The following UGGT1 variants were observed in gnomAD, a reference collection of about 807,000 sequenced individuals.
UGGT1 encodes UDP-glucose:glycoprotein glucosyltransferase 1.
Under a neutral mutation model 203.9 loss-of-function variants are expected in UGGT1, and 107 were observed. The observed-to-expected ratio is 0.52, with a 90% CI of 0.45 to 0.62. UGGT1 has a LOEUF of 0.62. Among genes scored for constraint, UGGT1 ranks in the 20% least tolerant of loss-of-function variants. UGGT1 has a pLI of 0.00. For synonymous variants in UGGT1, 628 were observed against 653.5 expected (o/e 0.96, Z 0.59); for missense variants, 1,673 against 1,867.2 (o/e 0.90, Z 1.92).
chr2:128,109,710 A>T lies in UGGT1; in HGVS notation c.485A>T (p.Asp162Val), dbSNP rs1204405623. 1.2e-6 allele frequency: 2 copies of T among 1,614,120 alleles called. No homozygotes were observed. Among genetic ancestry groups the T allele is most frequent in the Admixed American group, 1.7e-5 (1 of 60,018 alleles). The change falls in exon 5 of 41, where the codon GAT becomes GTT. Residue 162 changes from aspartate to valine, a missense_variant. Asp to Val is a radical substitution (Grantham distance 152). This residue lies in a region of UGGT1 where 1,073 missense variants were observed against 1,078.7 expected (regional missense o/e 0.99). Transcript: ENST00000259253. ...SVHGKKTCES[D>V]TLEALLLTAS... ...CATGGAAAGAAGACTTGTGAATCTG[A>T]TACCCTTGAGGCTCTTCTACTGACA... is the stretch of plus-strand genomic sequence containing the variant.
intron 32 of UGGT1, 54 bp from the exon 33 acceptor site, chr2:128,177,778 A>G: frequency 1.4e-6 from 2 of 1,434,222 alleles, no homozygotes; most frequent in Non-Finnish European, 1.9e-6. Flanking sequence ...AGTGAGAGGC[A>G]GTTTTATGCC....
At chr2:128,157,206 G>A (rs774915834) in intron 21 of UGGT1, 46 bp from the exon 22 acceptor site, 2 of 1,334,286 alleles carry the variant, frequency 1.5e-6, no homozygotes, top group Non-Finnish European at 1.1e-6. Context: ...AACACAGAAT[G>A]TGCTTCTCTC....
intron 26 of UGGT1, 75 bp downstream of exon 26, chr2:128,164,900 A>G: frequency 3.7e-6 from 4 of 1,089,532 alleles, no homozygotes; most frequent in Middle Eastern, 2.1e-4. Context: ...CAGCTCCTTC[A>G]TTTTTCCATA....
chr2:128,106,098 C>G (rs892051930), intron 3 of UGGT1, among the ~76,000 whole-genome samples: 1 of 151,600 alleles, frequency 6.6e-6, no homozygotes, highest in African/African-American at 2.4e-5. Flanking sequence ...GGCCACCATG[C>G]CCAGCCTGAA....
Position 128,105,701 on chromosome 2 carries a change from G to A in UGGT1, c.277+1687G>A, listed in dbSNP as rs140320608. On this transcript the variant is annotated intron_variant, in intron 3 of 40. Coordinates refer to ENST00000259253, the MANE Select transcript of UGGT1 (RefSeq NM_020120.4). ...AGCTAATTTTTGTAGTTTTAGCAGAGACGGGGTTTCGCCATGCTGGCCACG... is the reference window on the plus strand; with the variant it reads ...AGCTAATTTTTGTAGTTTTAGCAGAAACGGGGTTTCGCCATGCTGGCCACG... 4.4e-3 allele frequency among the ~76,000 whole-genome samples: 668 copies of A among 152,072 alleles called. 1 individual carries two copies. Among genetic ancestry groups the A allele is most frequent in the African/African-American group, 0.015 (634 of 41,470 alleles).
In UGGT1 at chr2:128,116,281, C is replaced by T; in HGVS notation, c.810C>T (p.Thr270=). The T allele has an allele frequency of 6.2e-7, 1 of 1,608,340 alleles. No homozygotes were observed. ...CTTTCATAGGAACTGAGGTAAACAC[C>T]ACAGTGATTGGTGAAAATGATCCTA... ...DTQVKGTEVN[T]TVIGENDPID... The change falls in exon 8 of 41, where the codon ACC becomes ACT. Residue 270 remains threonine, a synonymous_variant. Transcript: ENST00000259253.
At chr2:128,171,697 G>A (rs1001913723) in intron 28 of UGGT1, among the ~76,000 whole-genome samples, 5 of 151,940 alleles carry the variant, frequency 3.3e-5, no homozygotes, top group South Asian at 2.1e-4. Context: ...TAGTAGAGAC[G>A]GGGTTTCACC....
intron 36 of UGGT1, among the ~76,000 whole-genome samples, chr2:128,181,409 T>A (rs1691681900): frequency 6.6e-6 from 1 of 152,238 alleles, no homozygotes; most frequent in South Asian, 2.1e-4. Context: ...AGATAGGAGT[T>A]ATTGTCATGG....
At chr2:128,115,929 T>C (rs1688079709) in intron 7 of UGGT1, among the ~76,000 whole-genome samples, 1 of 152,188 alleles carries the variant, frequency 6.6e-6, no homozygotes, top group Non-Finnish European at 1.5e-5. Flanking sequence ...TATTGAAAAA[T>C]TCTTTGTTCA....
At chr2:128,171,323 T>C (rs767927161) in intron 28 of UGGT1, 39 bp downstream of exon 28, 1 of 1,564,218 alleles carries the variant, frequency 6.4e-7, no homozygotes, top group Non-Finnish European at 8.8e-7. Flanking sequence ...GAAGAAATTG[T>C]ACTGAATCCA....
intron 15 of UGGT1, 126 bp from the exon 16 acceptor site, chr2:128,138,591 G>A (rs948478806): frequency 9.0e-6 from 10 of 1,108,734 alleles, no homozygotes; most frequent in Non-Finnish European, 2.5e-6. Flanking sequence ...GCTGTGAACT[G>A]TGCTTTTCAC....
intron 10 of UGGT1, among the ~76,000 whole-genome samples, chr2:128,122,692 T>C (rs1688437209): frequency 6.6e-6 from 1 of 152,208 alleles, no homozygotes; most frequent in African/African-American, 2.4e-5. Context: ...CTTGAGTCAC[T>C]GAATGAAGTG....
chr2:128,192,308 C>G lies in UGGT1; in HGVS notation c.*2566C>G, dbSNP rs1692306313. The G allele has an allele frequency of 6.9e-6, 1 of 145,020 alleles. No homozygotes were observed. The highest frequency in any genetic ancestry group is 1.5e-5 in the Non-Finnish European group (1 of 66,638). 9.0% of individuals were successfully genotyped at this position (145,020 alleles called of 1,614,324 possible). ...TGGTTCATGTGGCATAATCATCTTT[C>G]AAAATTAACCAAATGCCCCAGAAAA... On this transcript the variant is annotated 3_prime_UTR_variant, in exon 41 of 41. Transcript: ENST00000259253.
chr2:128,154,038 A>G (rs950149087), intron 19 of UGGT1, among the ~76,000 whole-genome samples: 1 of 145,586 alleles, frequency 6.9e-6, no homozygotes, highest in African/African-American at 2.6e-5. Flanking sequence ...TGTTTTAGGT[A>G]GAGGAAAAAT....
chr2:128,193,558 C>G lies in UGGT1; in HGVS notation c.*3816C>G, dbSNP rs1429681815. ...ACAGGCGTGAGCCACTATGTCCGGT[C>G]AAGCCCTCGTGTTCTGAACCTTGTC... On this transcript the variant is annotated 3_prime_UTR_variant, in exon 41 of 41. Coordinates refer to ENST00000259253, the MANE Select transcript of UGGT1 (RefSeq NM_020120.4). The G allele has an allele frequency of 6.6e-6, 1 of 152,018 alleles. No individual in the cohort carries two copies. Among genetic ancestry groups the G allele is most frequent in the African/African-American group, 2.4e-5 (1 of 41,320 alleles). The allele number at this position is 152,018 out of a possible 1,614,324, so 9.4% of individuals were successfully genotyped here. A position where few individuals can be genotyped will look rare whatever the true frequency, so the allele number is the denominator to read the frequency against.
intron 5 of UGGT1, among the ~76,000 whole-genome samples, chr2:128,111,955 A>G (rs1283104888): frequency 1.3e-5 from 2 of 151,364 alleles, no homozygotes; most frequent in South Asian, 2.1e-4. Flanking sequence ...CCTGGGCAAC[A>G]TGACAAAACC....
Position 128,160,826 on chromosome 2 carries a change from G to C in UGGT1, c.2694+235G>C, listed in dbSNP as rs142817971. Among the ~76,000 whole-genome samples the C allele has an allele frequency of 7.3e-4, 111 of 152,316 alleles. 1 individual carries two copies. In the Middle Eastern group the frequency reaches 0.02, roughly 28 times the overall value. ...GTCGGTGAGAGTGTGGTGGCTCTCA[G>C]AAAGTCAGTCAGTATGGACTTTGAC... On this transcript the variant is annotated intron_variant, in intron 24 of 40. Coordinates refer to ENST00000259253, the MANE Select transcript of UGGT1 (RefSeq NM_020120.4).
At chr2:128,095,467 T>C (rs1443801689) in intron 1 of UGGT1, among the ~76,000 whole-genome samples, 2 of 136,108 alleles carry the variant, frequency 1.5e-5, no homozygotes, top group East Asian at 2.5e-4. Flanking sequence ...TTCTTTCCTC[T>C]TCCTCCTCCT....
intron 16 of UGGT1, among the ~76,000 whole-genome samples, chr2:128,141,509 G>T (rs1459541035): frequency 1.3e-5 from 2 of 152,078 alleles, no homozygotes; most frequent in African/African-American, 4.8e-5. Context: ...GGAGGCTGAG[G>T]CAGGAGAATG....
Sources: allele counts gnomAD v4.1 joint callset (sites outside exome capture counted in the v4.1 genomes callset), GRCh38; gene constraint gnomAD v4.1.1; regional missense constraint gnomAD v4.1.1; transcripts MANE v1.5; gene names NCBI Gene and HGNC (gene_info 2026-07-23, HGNC 2026-07-21).